Variants in VARS1 observed in about 807,000 individuals in gnomAD.
VARS1 encodes the protein valine--tRNA ligase.
A neutral mutation model predicts 161.0 loss-of-function variants in VARS1; 92 were observed. The observed-to-expected ratio is 0.57, with a 90% CI of 0.48 to 0.68. The LOEUF is 0.68. VARS1 is among the 30% of genes least tolerant of loss of function. VARS1 has a pLI of 0.00. For synonymous variants in VARS1, 595 were observed against 682.5 expected, an observed-to-expected ratio of 0.87 and a Z score of 2.00; for missense variants, 1,338 against 1,695.9, an observed-to-expected ratio of 0.79 and a Z score of 3.71.
chr6:31,792,350 C>A (rs767242430), intron 5 of VARS1, 42 bp downstream of exon 5: 4 of 1,613,990 alleles, frequency 2.5e-6, no homozygotes, highest in Non-Finnish European at 3.4e-6. Context: ...CAACCCATCA[C>A]CGCACACATC....
chr6:31,793,267 A>C (rs1814015418), intron 2 of VARS1, 147 bp from the exon 3 acceptor site: 1 of 1,180,926 alleles, frequency 8.5e-7, no homozygotes. Context: ...CACAATAAAA[A>C]TACTTCTGGG....
chr6:31,778,512 GT>G lies in VARS1; in HGVS notation c.3726+454del, dbSNP rs1332568293. Among the ~76,000 whole-genome samples the G allele has an allele frequency of 2.0e-5, 3 of 152,070 alleles. No homozygotes were observed. The highest frequency in any genetic ancestry group is 4.4e-5 in the Non-Finnish European group (3 of 68,012). On this transcript the variant is annotated intron_variant, in intron 29 of 29. Transcript: ENST00000375663. This position sits in a 1 kb window ranked among gnomAD's most constrained non-coding sequence, Gnocchi z 5.1. The stretch of plus-strand genomic sequence containing the variant: ...CCAGACCAGGATTGGTTTTTGTTTT[GT>G]TTTGTTTTTTTTCCAGACAGGGTCT...
Position 31,780,758 on chromosome 6 carries a change from G to T in VARS1, c.2744C>A (p.Pro915His). The change falls in exon 24 of 30, where the codon CCT becomes CAT. Residue 915 changes from proline to histidine, a missense_variant. This residue lies in a region of VARS1 where 433 missense variants were observed against 586.2 expected (regional missense o/e 0.74). Transcript: ENST00000375663. This position sits in a 1 kb window ranked among gnomAD's most constrained non-coding sequence, Gnocchi z 5.1. ...CCGGAGAGCATCGGTGCCACATTCA[G>T]GAATCCCCGCTGGGAAGTCAGCTTT... ...GQKADFPAGI[P>H]ECGTDALRFG... 1 of 1,614,220 alleles carries T rather than the reference G, an allele frequency of 6.2e-7. No homozygotes were observed. Among genetic ancestry groups the T allele is most frequent in the Non-Finnish European group, 8.5e-7 (1 of 1,180,034 alleles).
intron 8 of VARS1, among the ~76,000 whole-genome samples, chr6:31,789,980 G>A (rs1019037949): frequency 1.3e-5 from 2 of 151,748 alleles, no homozygotes; most frequent in Admixed American, 6.6e-5. Flanking sequence ...GCAGTGAGCC[G>A]AGACTGTGCC....
chr6:31,784,420 G>A lies in VARS1; in HGVS notation c.1550C>T (p.Ser517Phe), dbSNP rs1813356822. Reference sequence around the variant, plus strand: ...TGAGCCTTGGACCTTATAGGCAAAGGACACGAGGACCCCGAACTCCACCTT... The same window carrying A: ...TGAGCCTTGGACCTTATAGGCAAAGAACACGAGGACCCCGAACTCCACCTT... ...KEKVEFGVLVSFAYKVQGSDS... is the reference protein window; with the variant it reads ...KEKVEFGVLVFFAYKVQGSDS... Residue 517 changes from serine (S) to phenylalanine (F), a missense_variant, in exon 12 of 30, where the codon TCC becomes TTC. By Grantham distance (155) the Ser-to-Phe change is radical. Coordinates refer to ENST00000375663, the MANE Select transcript of VARS1 (RefSeq NM_006295.3). This position sits in a 1 kb window ranked among gnomAD's most constrained non-coding sequence, Gnocchi z 6.1. 2.5e-6 allele frequency: 4 copies of A among 1,614,136 alleles called. No homozygotes were observed. The highest frequency in any genetic ancestry group is 3.3e-4 in the Middle Eastern group (2 of 6,062).
In VARS1 at chr6:31,791,679, G is replaced by A. The variant is rs752053473; in HGVS notation, c.1031C>T (p.Pro344Leu). The A allele has an allele frequency of 3.1e-6, 5 of 1,612,918 alleles. No homozygotes were observed. The highest frequency in any genetic ancestry group is 2.5e-6 in the Non-Finnish European group (3 of 1,180,024). The change falls in exon 8 of 30, where the codon CCC becomes CTC. Residue 344 changes from proline to leucine, a missense_variant. By Grantham distance (98) the Pro-to-Leu change is moderately conservative. Around this residue, in one of 3 missense-constraint regions of VARS1, gnomAD observed 902 missense variants for 1,090.3 expected, o/e 0.83. Coordinates refer to ENST00000375663, the MANE Select transcript of VARS1 (RefSeq NM_006295.3). The surrounding 1 kb of genome is among the most constrained non-coding windows in gnomAD (Gnocchi z 5.0). ...RGVFMMCIPP[P>L]NVTGSLHLGH... ...CAGGTGCAGGGAGCCTGTCACATTG[G>A]GGGGTGGGATGCACATCATGAAGAC...
chr6:31,779,440 G>C lies in VARS1; in HGVS notation c.3385C>G (p.Arg1129Gly). 2.5e-6 allele frequency: 4 copies of C among 1,612,168 alleles called. No homozygotes were observed. Among genetic ancestry groups the C allele is most frequent in the Non-Finnish European group, 3.4e-6 (4 of 1,179,994 alleles). The change falls in exon 28 of 30, where the codon CGG becomes GGG. Residue 1129 changes from arginine (R) to glycine (G), a missense_variant. This residue lies in a region of VARS1 where 433 missense variants were observed against 586.2 expected (regional missense o/e 0.74). Coordinates refer to ENST00000375663, the MANE Select transcript of VARS1 (RefSeq NM_006295.3). This position sits in a 1 kb window ranked among gnomAD's most constrained non-coding sequence, Gnocchi z 9.1. ...TGAGGCTCACAGTCAGGCCGGATCC[G>C]GGTGAGGTTGTAGTCGGCCCGCAGG... is the stretch of plus-strand genomic sequence containing the variant. ...RSLRADYNLTRIRPDCFLEVA... is the reference protein window; with the variant it reads ...RSLRADYNLTGIRPDCFLEVA...
intron 14 of VARS1, 21 bp downstream of exon 14, chr6:31,783,075 C>T (rs765925487): frequency 6.2e-7 from 1 of 1,610,974 alleles, no homozygotes; most frequent in South Asian, 1.1e-5. Flanking sequence ...CCTCTCCCCA[C>T]AGGACCAGCC....
Position 31,793,087 on chromosome 6 carries a change from G to T in VARS1, c.421C>A (p.Pro141Thr). 6.2e-7 allele frequency: 1 copy of T among 1,610,436 alleles called. No homozygotes were observed. Among genetic ancestry groups the T allele is most frequent in the Middle Eastern group, 1.7e-4 (1 of 5,910 alleles). Residue 141 changes from proline (P) to threonine (T), a missense_variant, in exon 3 of 30, where the codon CCC becomes ACC. By Grantham distance (38) the Pro-to-Thr change is conservative (BLOSUM62 -1). Transcript: ENST00000375663. ...TGCAGCCGAAGCCACTCCTCCAAGGGGCTCAGGGCCCTGCCCAGGGCCCCC... is the reference window on the plus strand; with the variant it reads ...TGCAGCCGAAGCCACTCCTCCAAGGTGCTCAGGGCCCTGCCCAGGGCCCCC... ...VLGALGRALS[P>T]LEEWLRLHTY...
chr6:31,794,883 C>A lies in VARS1; in HGVS notation c.335G>T (p.Cys112Phe). ...TCCCAGGGCCGGCAGCGTTGCTCCA[C>A]AGGCAGCTGGTATTAACTCCGTGTC... Reference protein sequence around the residue: ...YADTELIPAACGATLPALGLR... With the variant: ...YADTELIPAAFGATLPALGLR... The change falls in exon 2 of 30, where the codon TGT (cysteine) becomes TTT (phenylalanine). Residue 112 changes from cysteine to phenylalanine, a missense_variant. By Grantham distance (205) the Cys-to-Phe change is radical (BLOSUM62 -2). Transcript: ENST00000375663. The A allele has an allele frequency of 6.2e-7, 1 of 1,612,046 alleles. No homozygotes were observed.
At position 31,791,544 on chromosome 6, in the gene VARS1, G is replaced by A; in HGVS notation, c.1100+66C>T. The A allele has an allele frequency of 6.5e-7, 1 of 1,538,634 alleles. No homozygotes were observed. The highest frequency in any genetic ancestry group is 8.7e-7 in the Non-Finnish European group (1 of 1,143,552). Reference sequence around the variant, plus strand: ...CAGAAGGAGAGAGGCTCGGGGGGCTGTCAGGGAAAAGGAGAGAGCCAGACT... The same window carrying A: ...CAGAAGGAGAGAGGCTCGGGGGGCTATCAGGGAAAAGGAGAGAGCCAGACT... On this transcript the variant is annotated intron_variant, in intron 8 of 29. Coordinates refer to ENST00000375663, the MANE Select transcript of VARS1 (RefSeq NM_006295.3). This position sits in a 1 kb window ranked among gnomAD's most constrained non-coding sequence, Gnocchi z 5.0.
Position 31,792,398 on chromosome 6 carries a change from T to G in VARS1, c.780A>C (p.Pro260=). The G allele has an allele frequency of 1.9e-6, 3 of 1,613,998 alleles. No homozygotes were observed. Among genetic ancestry groups the G allele is most frequent in the Non-Finnish European group, 2.5e-6 (3 of 1,180,002 alleles). Residue 260 remains proline (P), a synonymous_variant, in exon 5 of 30, where the codon CCA becomes CCC. Transcript: ENST00000375663. ...KQKIQQQQPP[P]GEKKPKPEKR... is the part of the protein sequence containing the mutation. The stretch of plus-strand genomic sequence containing the variant: ...AGCTCCACCCTCGCCTCACCTCCCC[T>G]GGAGGTGGCTGCTGCTGTTGGATCT...
At position 31,783,077 on chromosome 6, in the gene VARS1, G is replaced by A; in HGVS notation, c.1762+19C>T. 1 of 1,611,320 alleles carries A rather than the reference G, an allele frequency of 6.2e-7. No individual in the cohort carries two copies. Among genetic ancestry groups the A allele is most frequent in the Non-Finnish European group, 8.5e-7 (1 of 1,179,208 alleles). On this transcript the variant is annotated intron_variant, in intron 14 of 29. Transcript: ENST00000375663. ...GCTCCAGTCTTTTCCTCTCCCCACAGGACCAGCCCCTTGCCCACCTGTGCC... is the reference window on the plus strand; with the variant it reads ...GCTCCAGTCTTTTCCTCTCCCCACAAGACCAGCCCCTTGCCCACCTGTGCC...
Position 31,780,357 on chromosome 6 carries a change from T to C in VARS1, c.2925+84A>G. 1.3e-6 allele frequency: 2 copies of C among 1,557,564 alleles called. No individual in the cohort carries two copies. The highest frequency in any genetic ancestry group is 1.7e-6 in the Non-Finnish European group (2 of 1,151,558). On this transcript the variant is annotated intron_variant, in intron 25 of 29. Coordinates refer to ENST00000375663, the MANE Select transcript of VARS1 (RefSeq NM_006295.3). The surrounding 1 kb of genome is among the most constrained non-coding windows in gnomAD (Gnocchi z 5.1). ...AACTGTCTGTCTCTGTGTCTATCTG[T>C]CCCCCCAGCTACATGGAGGCTGCTC...
Position 31,778,056 on chromosome 6 carries a change from G to T in VARS1, c.3727-394C>A. On this transcript the variant is annotated intron_variant, in intron 29 of 29. Transcript: ENST00000375663. The surrounding 1 kb of genome is among the most constrained non-coding windows in gnomAD (Gnocchi z 5.1). ...GTGAGATTAACCACGTCCACTCAAG[G>T]CTCTCTAGCTCTTGGCCTCCATGAC... 1 of 249,232 alleles carries T rather than the reference G, an allele frequency of 4.0e-6. No homozygotes were observed. Among genetic ancestry groups the T allele is most frequent in the Non-Finnish European group, 7.9e-6 (1 of 126,854 alleles). 15.4% of individuals were successfully genotyped at this position (249,232 alleles called of 1,614,324 possible). A position where few individuals can be genotyped will look rare whatever the true frequency, so the allele number is the denominator to read the frequency against.
chr6:31,791,918 A>G lies in VARS1; in HGVS notation c.925T>C (p.Trp309Arg). Residue 309 changes from tryptophan to arginine, a missense_variant, in exon 7 of 30, where the codon TGG (tryptophan) becomes CGG (arginine). By Grantham distance (101) the Trp-to-Arg change is moderately radical. Transcript: ENST00000375663. The surrounding 1 kb of genome is among the most constrained non-coding windows in gnomAD (Gnocchi z 5.0). The part of the protein sequence containing the change: ...SYSPRYVEAA[W>R]YPWWEQQGFF... ...CCCTGCTGCTCCCACCAAGGGTACC[A>G]GGCAGCCTCCACATACCGAGGGCTG... 6.2e-7 allele frequency: 1 copy of G among 1,606,538 alleles called. No homozygotes were observed. Among genetic ancestry groups the G allele is most frequent in the Non-Finnish European group, 8.5e-7 (1 of 1,175,848 alleles).
In VARS1 at chr6:31,777,845, C is replaced by T. The variant is rs1347233283; in HGVS notation, c.3727-183G>A. The T allele has an allele frequency of 4.7e-6, 3 of 640,120 alleles. No individual in the cohort carries two copies. The allele number at this position is 640,120 out of a possible 1,614,324, so 39.7% of individuals were successfully genotyped here. Reference sequence around the variant, plus strand: ...ACCAGCACCCCCACTTCCACCACCACCTCTTGGGTCTTGCCTTTTTCCACC... The same window carrying T: ...ACCAGCACCCCCACTTCCACCACCATCTCTTGGGTCTTGCCTTTTTCCACC... On this transcript the variant is annotated intron_variant, in intron 29 of 29. Coordinates refer to ENST00000375663, the MANE Select transcript of VARS1 (RefSeq NM_006295.3). This position sits in a 1 kb window ranked among gnomAD's most constrained non-coding sequence, Gnocchi z 5.8.
chr6:31,787,448 C>T (rs1236049060), intron 8 of VARS1, among the ~76,000 whole-genome samples: 1 of 151,666 alleles, frequency 6.6e-6, no homozygotes, highest in Non-Finnish European at 1.5e-5. Flanking sequence ...AGTTCAAGAC[C>T]AGCTTGGCCA....
chr6:31,785,219 C>T lies in VARS1; in HGVS notation c.1347+27G>A. ...ACCCTGGGGAGACTCCTACTCCTGCCCCAGCTTTGACACTCCTCCCACGCA... is the reference window on the plus strand; with the variant it reads ...ACCCTGGGGAGACTCCTACTCCTGCTCCAGCTTTGACACTCCTCCCACGCA... On this transcript the variant is annotated intron_variant, in intron 10 of 29. Coordinates refer to ENST00000375663, the MANE Select transcript of VARS1 (RefSeq NM_006295.3). This position sits in a 1 kb window ranked among gnomAD's most constrained non-coding sequence, Gnocchi z 6.1. The T allele has an allele frequency of 6.2e-7, 1 of 1,612,936 alleles. No homozygotes were observed. The highest frequency in any genetic ancestry group is 1.3e-5 in the African/African-American group (1 of 75,044).
Sources: gnomAD v4.1 joint callset for allele counts (sites outside exome capture counted in the v4.1 genomes callset) on GRCh38, gnomAD v4.1.1 for gene constraint, gnomAD v4.1.1 regional missense constraint, Gnocchi (gnomAD v3.1) non-coding constraint, MANE v1.5 for transcripts, NCBI Gene and HGNC (gene_info 2026-07-23, HGNC 2026-07-21) for gene names.